The following DCAF8L2 variants were observed in gnomAD, a reference collection of about 807,000 sequenced individuals.
The protein encoded by DCAF8L2 is DDB1- and CUL4-associated factor 8-like protein 2.
For synonymous variants in DCAF8L2, 200 were observed against 190.9 expected, an observed-to-expected ratio of 1.05 and a Z score of -0.39; for missense variants, 430 against 490.7, an observed-to-expected ratio of 0.88 and a Z score of 1.17.
intron 3 of DCAF8L2, among the ~76,000 whole-genome samples, chrX:27,686,235 A>G (rs1359793207): frequency 5.4e-5 from 6 of 111,198 alleles, no homozygotes; most frequent in African/African-American, 2.0e-4. Context: ...ACTACTAGTT[A>G]TATATCCAAA....
At chrX:27,574,392 G>A in the DCAF8L2 span, among the ~76,000 whole-genome samples, 1 of 111,760 alleles carries the variant, frequency 8.9e-6, no homozygotes, top group Admixed American at 9.5e-5. Context: ...GTTTTATACA[G>A]TTTGCAAATT....
At chrX:27,691,520 A>C (rs762834234) in intron 3 of DCAF8L2, among the ~76,000 whole-genome samples, 1 of 111,811 alleles carries the variant, frequency 8.9e-6, no homozygotes, top group African/African-American at 3.2e-5. Context: ...CCAAAAAATT[A>C]ATGATGATAG....
the DCAF8L2 span, among the ~76,000 whole-genome samples, chrX:27,510,488 A>AAT: frequency 0.22 from 22,766 of 103,962 alleles, 2,491 homozygotes; most frequent in African/African-American, 0.39. Flanking sequence ...AACAAAGAGA[A>AAT]ATATATATAT....
chrX:27,547,500 C>T, the DCAF8L2 span, among the ~76,000 whole-genome samples: 1 of 112,065 alleles, frequency 8.9e-6, no homozygotes, highest in African/African-American at 3.2e-5. Context: ...TTTTAATTGG[C>T]TCACAGTTCT....
intron 4 of DCAF8L2, among the ~76,000 whole-genome samples, chrX:27,727,723 T>G (rs1435772127): frequency 1.8e-5 from 2 of 111,792 alleles, no homozygotes; most frequent in Admixed American, 1.9e-4. Flanking sequence ...TTGTATTGAA[T>G]TTACTAATCA....
At chrX:27,525,775 T>C in the DCAF8L2 span, among the ~76,000 whole-genome samples, 1 of 111,581 alleles carries the variant, frequency 9.0e-6, no homozygotes, top group African/African-American at 3.3e-5. Flanking sequence ...TTATTTCTCC[T>C]TCACTTATGA....
At chrX:27,721,703 A>G (rs1480971145) in intron 4 of DCAF8L2, among the ~76,000 whole-genome samples, 1 of 111,993 alleles carries the variant, frequency 8.9e-6, no homozygotes, top group East Asian at 2.8e-4. Flanking sequence ...AAGAAATAAT[A>G]GGAGGCAATC....
At chrX:27,486,468 AG>A in the DCAF8L2 span, among the ~76,000 whole-genome samples, 1 of 112,204 alleles carries the variant, frequency 8.9e-6, no homozygotes. Context: ...CTTCATTGCT[AG>A]TATACAAAAA....
chrX:27,485,667 T>C, the DCAF8L2 span, among the ~76,000 whole-genome samples: 1 of 111,549 alleles, frequency 9.0e-6, no homozygotes. Context: ...TTAATCTTTC[T>C]ACACGAATAA....
intron 3 of DCAF8L2, among the ~76,000 whole-genome samples, chrX:27,704,400 T>C (rs1427339082): frequency 9.2e-6 from 1 of 108,652 alleles, no homozygotes; most frequent in Non-Finnish European, 1.9e-5. Context: ...TTATTCTAAA[T>C]AAAATATGCC....
the DCAF8L2 span, among the ~76,000 whole-genome samples, chrX:27,514,668 C>CAAA: frequency 0.04 from 98 of 2,431 alleles, no homozygotes; most frequent in South Asian, 0.13. Flanking sequence ...GACTCCGTCT[C>CAAA]AAAAAAAAAA....
the DCAF8L2 span, among the ~76,000 whole-genome samples, chrX:27,493,857 A>G: frequency 9.0e-6 from 1 of 110,777 alleles, no homozygotes; most frequent in African/African-American, 3.3e-5. Flanking sequence ...ATTTTTCTGC[A>G]GTTTGTGGGC....
chrX:27,719,865 T>G (rs771740168), intron 4 of DCAF8L2, among the ~76,000 whole-genome samples: 1 of 112,145 alleles, frequency 8.9e-6, no homozygotes, highest in East Asian at 2.8e-4. Context: ...CAATCAATTT[T>G]GTTTCCTAAA....
intron 3 of DCAF8L2, among the ~76,000 whole-genome samples, chrX:27,680,412 T>C (rs757630743): frequency 8.9e-6 from 1 of 112,226 alleles, no homozygotes; most frequent in African/African-American, 3.2e-5. Context: ...TGAGTATGAA[T>C]GTGTATGAGA....
intron 3 of DCAF8L2, among the ~76,000 whole-genome samples, chrX:27,704,061 G>GTA (rs34734812): frequency 0.48 from 47,747 of 98,742 alleles, 10,180 homozygotes; most frequent in African/African-American, 0.65. Context: ...CATTGTGTGT[G>GTA]TATATATATA....
At chrX:27,698,107 G>A (rs1394796364) in intron 3 of DCAF8L2, among the ~76,000 whole-genome samples, 9 of 111,271 alleles carry the variant, frequency 8.1e-5, no homozygotes, top group African/African-American at 2.9e-4. Context: ...GGGAAAAAAG[G>A]AATTCTATTC....
At chrX:27,651,430 A>C (rs772527273) in intron 2 of DCAF8L2, among the ~76,000 whole-genome samples, 1 of 110,480 alleles carries the variant, frequency 9.1e-6, no homozygotes, top group Non-Finnish European at 1.9e-5. Flanking sequence ...CCCTAATTCA[A>C]TGGCTTCTTG....
At chrX:27,646,446 A>C (rs1928940412) in intron 2 of DCAF8L2, among the ~76,000 whole-genome samples, 2 of 112,094 alleles carry the variant, frequency 1.8e-5, no homozygotes, top group Non-Finnish European at 3.8e-5. Context: ...TGTAAAACCC[A>C]AAATTATAAA....
At chrX:27,662,270 A>C (rs1001479905) in intron 2 of DCAF8L2, among the ~76,000 whole-genome samples, 1 of 111,570 alleles carries the variant, frequency 9.0e-6, no homozygotes, top group Non-Finnish European at 1.9e-5. Context: ...AATATGAAAC[A>C]AAATGTCCTC....
Sources: gnomAD v4.1 joint callset for allele counts (sites outside exome capture counted in the v4.1 genomes callset) on GRCh38, gnomAD v4.1.1 for gene constraint, MANE v1.5 for transcripts, NCBI Gene and HGNC (gene_info 2026-07-23, HGNC 2026-07-21) for gene names.